The following HS3ST4 variants were observed in gnomAD, a reference collection of about 807,000 sequenced individuals.
HS3ST4 encodes heparan sulfate-glucosamine 3-sulfotransferase 4, also known as heparan sulfate glucosamine 3-O-sulfotransferase 4.
Under a neutral mutation model 29.2 loss-of-function variants are expected in HS3ST4, and 17 were observed. The observed-to-expected ratio is 0.58, with a 90% confidence interval of 0.40 to 0.87. HS3ST4 has a LOEUF of 0.87. Among genes scored for constraint, HS3ST4 ranks in the 40% least tolerant of loss-of-function variants. The pLI is 0.00. For missense variants in HS3ST4, 627 were observed against 634.5 expected, an observed-to-expected ratio of 0.99 and a Z score of 0.13; for synonymous variants, 314 against 285.7, an observed-to-expected ratio of 1.10 and a Z score of -1.00.
At position 25,976,550 on chromosome 16, in the gene HS3ST4, G is replaced by A. The variant is rs562163298; in HGVS notation, c.735-159062G>A. Among the ~76,000 whole-genome samples the A allele has an allele frequency of 7.1e-4, 108 of 152,310 alleles. 1 individual carries two copies. Among genetic ancestry groups the A allele is most frequent in the African/African-American group, 2.2e-3 (90 of 41,564 alleles). On this transcript the variant is annotated intron_variant, in intron 1 of 1. Transcript: ENST00000331351. ...TCCTGCAAACACGTTTGTGGAAGGC[G>A]TGGTTGGTGTATGGCGGTGGGGGTT...
At chr16:26,133,760 A>C (rs1015239786) in intron 1 of HS3ST4, among the ~76,000 whole-genome samples, 1 of 152,238 alleles carries the variant, frequency 6.6e-6, no homozygotes, top group Admixed American at 6.5e-5. Context: ...TAGTAAATAA[A>C]TTTAATTATG....
chr16:25,775,649 CT>C (rs1216664294), intron 1 of HS3ST4, among the ~76,000 whole-genome samples: 1 of 152,224 alleles, frequency 6.6e-6, no homozygotes, highest in African/African-American at 2.4e-5. Context: ...CAACTTTTGT[CT>C]GTGCACGTGT....
chr16:25,857,111 T>G (rs1056935023), intron 1 of HS3ST4, among the ~76,000 whole-genome samples: 1 of 152,162 alleles, frequency 6.6e-6, no homozygotes, highest in Non-Finnish European at 1.5e-5. Context: ...ACTCCCTAAG[T>G]CTGGGGGCCT....
intron 1 of HS3ST4, among the ~76,000 whole-genome samples, chr16:26,067,353 G>A (rs1340880898): frequency 6.6e-6 from 1 of 152,084 alleles, no homozygotes; most frequent in Non-Finnish European, 1.5e-5. Flanking sequence ...TAAAATAATA[G>A]CGTCATCCAT....
chr16:26,020,316 A>G (rs1969400215), intron 1 of HS3ST4, among the ~76,000 whole-genome samples: 1 of 152,188 alleles, frequency 6.6e-6, no homozygotes, highest in Non-Finnish European at 1.5e-5. Flanking sequence ...TCTTGCATCT[A>G]TTTAAAGAAG....
At chr16:25,761,308 G>C (rs1300827766) in intron 1 of HS3ST4, among the ~76,000 whole-genome samples, 1 of 152,220 alleles carries the variant, frequency 6.6e-6, no homozygotes, top group Non-Finnish European at 1.5e-5. Context: ...AATGTTCTCT[G>C]TGCTGTCCAA....
intron 1 of HS3ST4, among the ~76,000 whole-genome samples, chr16:26,108,946 A>G (rs1899092329): frequency 6.6e-6 from 1 of 152,050 alleles, no homozygotes. Context: ...CACTAAGAGG[A>G]ATTCTGCCTG....
intron 1 of HS3ST4, among the ~76,000 whole-genome samples, chr16:26,098,169 A>G (rs140386290): frequency 4.6e-5 from 7 of 152,364 alleles, no homozygotes; most frequent in African/African-American, 1.7e-4. Flanking sequence ...TGTGAAAGAC[A>G]GCATGGTGAT....
chr16:25,692,965 G>A lies in HS3ST4; in HGVS notation c.548G>A (p.Arg183Lys), dbSNP rs1245707688. The A allele has an allele frequency of 3.1e-6, 5 of 1,610,770 alleles. No individual in the cohort carries two copies. Among genetic ancestry groups the A allele is most frequent in the Non-Finnish European group, 4.2e-6 (5 of 1,179,114 alleles). ...GRRAANGSSERGGAVSTPDYG... is the reference protein window; with the variant it reads ...GRRAANGSSEKGGAVSTPDYG... ...AGAGCGGCCAACGGGAGCAGCGAGA[G>A]GGGCGGCGCCGTCAGCACCCCCGAC... The change falls in exon 1 of 2, where the codon AGG (arginine) becomes AAG (lysine). Residue 183 changes from arginine (R) to lysine (K), a missense_variant. Physicochemically the swap from Arg to Lys is conservative, Grantham distance 26. Transcript: ENST00000331351.
Position 25,692,331 on chromosome 16 carries a change from C to T in HS3ST4, c.-87C>T. ...GCGGCGGCGGCGGCGGCGGCGGCGG[C>T]GGCGGCGGGGGCGGCGGCTGAAACC... On this transcript the variant is annotated 5_prime_UTR_variant, in exon 1 of 2. Coordinates refer to ENST00000331351, the MANE Select transcript of HS3ST4 (RefSeq NM_006040.3). 2 of 152,434 alleles carry T rather than the reference C, an allele frequency of 1.3e-5. No individual in the cohort carries two copies. Among genetic ancestry groups the T allele is most frequent in the Non-Finnish European group, 2.6e-5 (2 of 77,144 alleles). 9.4% of individuals were successfully genotyped at this position (152,434 alleles called of 1,614,324 possible). A position where few individuals can be genotyped will look rare whatever the true frequency, so the allele number is the denominator to read the frequency against.
intron 1 of HS3ST4, among the ~76,000 whole-genome samples, chr16:25,712,590 A>C (rs1966423588): frequency 6.6e-6 from 1 of 152,160 alleles, no homozygotes. Context: ...GACAACAACA[A>C]AAATTGTTAA....
intron 1 of HS3ST4, among the ~76,000 whole-genome samples, chr16:25,983,004 A>C (rs114315013): frequency 0.026 from 3,983 of 152,314 alleles, 189 homozygotes; most frequent in African/African-American, 0.091. Context: ...TGAAGAAAAC[A>C]GGTAGCATCC....
At chr16:25,804,585 T>C (rs935674765) in intron 1 of HS3ST4, among the ~76,000 whole-genome samples, 2 of 152,210 alleles carry the variant, frequency 1.3e-5, no homozygotes, top group Non-Finnish European at 2.9e-5. Flanking sequence ...CTTGAAAATA[T>C]GATCCTCCTC....
intron 1 of HS3ST4, among the ~76,000 whole-genome samples, chr16:26,018,850 A>T (rs1969385362): frequency 6.6e-6 from 1 of 151,086 alleles, no homozygotes; most frequent in Non-Finnish European, 1.5e-5. Flanking sequence ...AAAAAAAATC[A>T]CTACCAAACA....
At position 25,701,971 on chromosome 16, in the gene HS3ST4, A is replaced by G. The variant is rs1253385310; in HGVS notation, c.734+8820A>G. Among the ~76,000 whole-genome samples the G allele has an allele frequency of 2.0e-5, 3 of 152,234 alleles. No individual in the cohort carries two copies. The East Asian group carries it at 5.8e-4, about 29-fold the overall frequency. ...AGATATCTTATAAAAAGAAATATCTATTTCTGATTTTCAGAACAACCTGCT... is the reference window on the plus strand; with the variant it reads ...AGATATCTTATAAAAAGAAATATCTGTTTCTGATTTTCAGAACAACCTGCT... On this transcript the variant is annotated intron_variant, in intron 1 of 1. Transcript: ENST00000331351.
rs112421307 is a variant in HS3ST4, at chr16:26,045,398, C to T, written c.735-90214C>T. Among the ~76,000 whole-genome samples, 614 of 152,118 alleles carry T rather than the reference C, an allele frequency of 4.0e-3. 7 individuals are homozygous for T. The highest frequency in any genetic ancestry group is 0.014 in the African/African-American group (595 of 41,484). ...ATATTCTTGCCTGTACTTATTTGACCGAAGAACTGCTTTTACCCAGAAGAG... is the reference window on the plus strand; with the variant it reads ...ATATTCTTGCCTGTACTTATTTGACTGAAGAACTGCTTTTACCCAGAAGAG... On this transcript the variant is annotated intron_variant, in intron 1 of 1. Coordinates refer to ENST00000331351, the MANE Select transcript of HS3ST4 (RefSeq NM_006040.3).
At chr16:25,749,440 A>AGCCATCAT (rs1291524421) in intron 1 of HS3ST4, among the ~76,000 whole-genome samples, 1 of 152,122 alleles carries the variant, frequency 6.6e-6, no homozygotes, top group Admixed American at 6.5e-5. Flanking sequence ...AGCCGCTATG[A>AGCCATCAT]GCCATCATTG....
chr16:25,872,374 TATA>T (rs1339613090), intron 1 of HS3ST4, among the ~76,000 whole-genome samples: 3 of 152,228 alleles, frequency 2.0e-5, no homozygotes, highest in Non-Finnish European at 4.4e-5. Flanking sequence ...CTTCGTGGCT[TATA>T]ATGATAACCA....
intron 1 of HS3ST4, among the ~76,000 whole-genome samples, chr16:25,865,525 G>A (rs536612878): frequency 6.6e-6 from 1 of 152,260 alleles, no homozygotes; most frequent in East Asian, 1.9e-4. Flanking sequence ...CTACTGTCGA[G>A]CTGTTAGAAC....
Sources: gnomAD v4.1 joint callset for allele counts (sites outside exome capture counted in the v4.1 genomes callset) on GRCh38, gnomAD v4.1.1 for gene constraint, MANE v1.5 for transcripts, NCBI Gene and HGNC (gene_info 2026-07-23, HGNC 2026-07-21) for gene names.